Variants in P2RY8 observed in about 807,000 individuals in gnomAD.
P2RY8 encodes S-geranylgeranyl-glutathione receptor P2RY8.
A neutral mutation model predicts 10.0 loss-of-function variants in P2RY8; 6 were observed. The observed-to-expected ratio is 0.60, with a 90% CI of 0.33 to 1.19. P2RY8 has a LOEUF of 1.19. Among genes scored for constraint, P2RY8 ranks in the 50% most tolerant of loss-of-function variants. The pLI is 0.04. For missense variants in P2RY8, 456 were observed against 542.0 expected (o/e 0.84, Z 1.58); for synonymous variants, 276 against 252.5 (o/e 1.09, Z -0.88).
At chrX:1,485,726 T>G (rs2091980820) in intron 1 of P2RY8, among the ~76,000 whole-genome samples, 1 of 148,348 alleles carries the variant, frequency 6.7e-6, no homozygotes, top group Non-Finnish European at 1.5e-5. Flanking sequence ...TATGTATATT[T>G]AATAATTATA....
Position 1,463,354 on chromosome X carries a change from T to A in P2RY8, c.*2125A>T, listed in dbSNP as rs1322152902. 6.0e-5 allele frequency: 14 copies of A among 232,292 alleles called. No homozygotes were observed. In the East Asian group the frequency reaches 8.5e-4, roughly 14 times the overall value. 14.4% of individuals were successfully genotyped at this position (232,292 alleles called of 1,614,324 possible). A position where few individuals can be genotyped will look rare whatever the true frequency, so the allele number is the denominator to read the frequency against. ...TCTGGGTCTCTTACGCATCCTCCAGTTCCCCCTGGAGGCTCTAGGGGAGGA... is the reference window on the plus strand; with the variant it reads ...TCTGGGTCTCTTACGCATCCTCCAGATCCCCCTGGAGGCTCTAGGGGAGGA... On this transcript the variant is annotated 3_prime_UTR_variant, in exon 2 of 2. Transcript: ENST00000381297.
Position 1,466,539 on chromosome X carries a change from G to C in P2RY8, c.20C>G (p.Thr7Ser). Residue 7 changes from threonine to serine, a missense_variant, in exon 2 of 2, where the codon ACC (threonine) becomes AGC (serine). Coordinates refer to ENST00000381297, the MANE Select transcript of P2RY8 (RefSeq NM_178129.5). MQVPNS[T>S]GPDNATLQML... ...CTGCAGCGTCGCGTTGTCCGGGCCG[G>C]TGCTGTTCGGGACCTGCATCCTGGA... The C allele has an allele frequency of 1.2e-6, 2 of 1,607,600 alleles. No homozygotes were observed. The highest frequency in any genetic ancestry group is 1.7e-6 in the Non-Finnish European group (2 of 1,179,054).
chrX:1,511,753 T>C (rs776932606), intron 1 of P2RY8, among the ~76,000 whole-genome samples: 1 of 152,334 alleles, frequency 6.6e-6, no homozygotes, highest in South Asian at 2.1e-4. Context: ...CAACGGCATG[T>C]CTACGGATGG....
chrX:1,521,275 T>C lies in P2RY8; in HGVS notation c.-25+15646A>G, dbSNP rs2092389338. 1.3e-5 allele frequency among the ~76,000 whole-genome samples: 2 copies of C among 152,116 alleles called. 1 individual carries two copies. Reference sequence around the variant, plus strand: ...ATTGGCCAGGATGGTCTCCATCTCCTGACCTCGTCATCCGCCCGCCTTGGC... The same window carrying C: ...ATTGGCCAGGATGGTCTCCATCTCCCGACCTCGTCATCCGCCCGCCTTGGC... On this transcript the variant is annotated intron_variant, in intron 1 of 1. Transcript: ENST00000381297.
intron 1 of P2RY8, among the ~76,000 whole-genome samples, chrX:1,521,696 T>A (rs1415645839): frequency 6.6e-6 from 1 of 152,222 alleles, no homozygotes; most frequent in Admixed American, 6.5e-5. Context: ...TGTGTTTACT[T>A]AGAAGTGAGT....
chrX:1,491,281 A>G (rs2092046521), intron 1 of P2RY8, among the ~76,000 whole-genome samples: 1 of 152,244 alleles, frequency 6.6e-6, no homozygotes, highest in Non-Finnish European at 1.5e-5. Context: ...GAGAGAATGA[A>G]TGAATGATAC....
chrX:1,512,123 A>G (rs1318451121), intron 1 of P2RY8, among the ~76,000 whole-genome samples: 2 of 152,056 alleles, frequency 1.3e-5, no homozygotes, highest in African/African-American at 4.8e-5. Context: ...CTGGGGATAT[A>G]GCAAACAATG....
At chrX:1,532,485 GTGTATATATACACATAT>G (rs1240340326) in intron 1 of P2RY8, among the ~76,000 whole-genome samples, 26 of 11,548 alleles carry the variant, frequency 2.3e-3, no homozygotes, top group East Asian at 0.028. Context: ...AGATGTATAT[GTGTATATATACACATAT>G]ATGTATAGAT....
intron 1 of P2RY8, among the ~76,000 whole-genome samples, chrX:1,523,743 C>A (rs1490596394): frequency 2.6e-5 from 4 of 152,148 alleles, no homozygotes; most frequent in Non-Finnish European, 5.9e-5. Flanking sequence ...AGTGCAGTGG[C>A]ACGATCTGTG....
intron 1 of P2RY8, among the ~76,000 whole-genome samples, chrX:1,491,622 A>C (rs2092050983): frequency 6.6e-6 from 1 of 152,222 alleles, no homozygotes. Context: ...GAGTGACGGA[A>C]TGTGTGGAGC....
chrX:1,516,111 C>T (rs1468161973), intron 1 of P2RY8, among the ~76,000 whole-genome samples: 10 of 151,392 alleles, frequency 6.6e-5, no homozygotes, highest in Non-Finnish European at 1.2e-4. Context: ...GCAGGAGAAT[C>T]GCTTGAACCT....
intron 1 of P2RY8, among the ~76,000 whole-genome samples, chrX:1,505,011 G>C (rs1334082780): frequency 6.6e-6 from 1 of 151,850 alleles, no homozygotes; most frequent in Non-Finnish European, 1.5e-5. Flanking sequence ...GGTGGCAGGC[G>C]CCTGTAGTCC....
Position 1,465,645 on chromosome X carries a change from C to T in P2RY8, c.914G>A (p.Arg305Gln), listed in dbSNP as rs2091658684. ...CACCCGGCGGCAGCCCAAATATTCC[C>T]GCAGGCGCAGCTGGAATTCCCGGGA... Reference protein sequence around the residue: ...FASREFQLRLREYLGCRRVPR... With the variant: ...FASREFQLRLQEYLGCRRVPR... The change falls in exon 2 of 2, where the codon CGG becomes CAG. Residue 305 changes from arginine (R) to glutamine (Q), a missense_variant. By Grantham distance (43) the Arg-to-Gln change is conservative (BLOSUM62 1). Transcript: ENST00000381297. 6.2e-7 allele frequency: 1 copy of T among 1,613,448 alleles called. No homozygotes were observed. The highest frequency in any genetic ancestry group is 1.1e-5 in the South Asian group (1 of 91,074).
chrX:1,473,864 G>A (rs2091836644), intron 1 of P2RY8, among the ~76,000 whole-genome samples: 1 of 150,834 alleles, frequency 6.6e-6, no homozygotes. Flanking sequence ...GTTTAGATAG[G>A]TGGATATGTG....
rs370150179 is a variant in P2RY8, at chrX:1,466,573, C to T, written c.-15G>A. 7.5e-6 allele frequency: 12 copies of T among 1,595,392 alleles called. No homozygotes were observed. Among genetic ancestry groups the T allele is most frequent in the African/African-American group, 5.4e-5 (4 of 74,696 alleles). ...GGGACCTGCATCCTGGAGGGGTCCT[C>T]GCCCGGGCTCTGCAAGGGAAGGAGG... On this transcript the variant is annotated 5_prime_UTR_variant, in exon 2 of 2. Coordinates refer to ENST00000381297, the MANE Select transcript of P2RY8 (RefSeq NM_178129.5).
chrX:1,527,423 T>TATTC (rs1260034460), intron 1 of P2RY8, among the ~76,000 whole-genome samples: 1 of 152,062 alleles, frequency 6.6e-6, no homozygotes, highest in Non-Finnish European at 1.5e-5. Context: ...TTCATTTATC[T>TATTC]ATTCATTCAT....
intron 1 of P2RY8, among the ~76,000 whole-genome samples, chrX:1,509,991 T>C (rs2092287201): frequency 6.6e-6 from 1 of 151,804 alleles, no homozygotes; most frequent in Non-Finnish European, 1.5e-5. Flanking sequence ...CCATCATCTA[T>C]GTATCTATGT....
At chrX:1,485,879 A>G (rs2091982173) in intron 1 of P2RY8, among the ~76,000 whole-genome samples, 1 of 151,896 alleles carries the variant, frequency 6.6e-6, no homozygotes, top group Admixed American at 6.6e-5. Flanking sequence ...TGTATAATAC[A>G]TTATTTCTGC....
chrX:1,505,336 G>A (rs150655704), intron 1 of P2RY8, among the ~76,000 whole-genome samples: 7 of 152,184 alleles, frequency 4.6e-5, no homozygotes, highest in African/African-American at 7.2e-5. Context: ...CCTCGTCACC[G>A]GCCTTTCCGT....
Sources: gnomAD v4.1 joint callset for allele counts (sites outside exome capture counted in the v4.1 genomes callset) on GRCh38, gnomAD v4.1.1 for gene constraint, MANE v1.5 for transcripts, NCBI Gene and HGNC (gene_info 2026-07-23, HGNC 2026-07-21) for gene names.